Variants in SIPA1L3 observed in about 807,000 individuals in gnomAD.
SIPA1L3 encodes the protein signal-induced proliferation-associated 1-like protein 3.
In SIPA1L3, 59 loss-of-function variants were observed where a neutral mutation model predicts 150.1. The ratio of observed to expected loss-of-function variants is 0.39; its 90% CI spans 0.32 to 0.49. The LOEUF is 0.49. SIPA1L3 is among the 20% of genes least tolerant of loss of function. SIPA1L3 has a pLI of 0.86. For missense variants in SIPA1L3, 2,211 were observed against 2,489.5 expected, an observed-to-expected ratio of 0.89 and a Z score of 2.38; for synonymous variants, 1,070 against 1,077.6, an observed-to-expected ratio of 0.99 and a Z score of 0.14.
intron 4 of SIPA1L3, among the ~76,000 whole-genome samples, chr19:38,091,666 T>C (rs146415765): frequency 5.6e-4 from 85 of 152,292 alleles, no homozygotes; most frequent in South Asian, 3.7e-3. Flanking sequence ...CGGCTGCCTC[T>C]GGGTTTTGAC....
chr19:38,066,363 G>T (rs1414206409), intron 2 of SIPA1L3, among the ~76,000 whole-genome samples: 2 of 152,066 alleles, frequency 1.3e-5, no homozygotes, highest in Non-Finnish European at 2.9e-5. Flanking sequence ...TGGAATAGAG[G>T]CACCCGGATT....
Position 38,112,277 on chromosome 19 carries a change from C to G in SIPA1L3, c.2291+1893C>G, listed in dbSNP as rs575558046. ...GCACACACAAGCACATGCACATATG[C>G]ACACACATATGCACACATACATGCA... is the stretch of plus-strand genomic sequence containing the variant. On this transcript the variant is annotated intron_variant, in intron 8 of 21. Coordinates refer to ENST00000222345, the MANE Select transcript of SIPA1L3 (RefSeq NM_015073.3). Among the ~76,000 whole-genome samples the G allele has an allele frequency of 2.0e-5, 3 of 152,098 alleles. No homozygotes were observed. The South Asian group carries it at 6.2e-4, about 32-fold the overall frequency.
chr19:38,068,942 T>C (rs1435447466), intron 2 of SIPA1L3, among the ~76,000 whole-genome samples: 3 of 152,222 alleles, frequency 2.0e-5, no homozygotes, highest in Admixed American at 2.0e-4. Context: ...CACGCCAGTG[T>C]GTAGCCCTGA....
In SIPA1L3 at chr19:38,152,975, C is replaced by T; in HGVS notation, c.3661+8C>T. ...TGGAACGCCAGAAGCCAGGTAGGGC[C>T]CCCACCAGCTGCTGCGCCCACCCGC... is the stretch of plus-strand genomic sequence containing the variant. On this transcript the variant is annotated splice_region_variant and intron_variant, in intron 13 of 21. Transcript: ENST00000222345. The T allele has an allele frequency of 3.1e-6, 5 of 1,610,832 alleles. No individual in the cohort carries two copies. Among genetic ancestry groups the T allele is most frequent in the Non-Finnish European group, 4.2e-6 (5 of 1,178,864 alleles).
chr19:38,009,136 G>C (rs955192288), intron 1 of SIPA1L3, among the ~76,000 whole-genome samples: 1 of 152,054 alleles, frequency 6.6e-6, no homozygotes, highest in African/African-American at 2.4e-5. Context: ...CCGGGTTCAA[G>C]TGATTCTCCT....
chr19:38,024,534 C>T (rs756848787), intron 1 of SIPA1L3, among the ~76,000 whole-genome samples: 6 of 151,968 alleles, frequency 3.9e-5, no homozygotes, highest in Admixed American at 6.6e-5. Context: ...TCGGGGAGCC[C>T]GGCACTGCCC....
At chr19:38,025,509 G>GCATCCGCAGCTCCCTCTAGT (rs1968489336) in intron 1 of SIPA1L3, among the ~76,000 whole-genome samples, 1 of 152,206 alleles carries the variant, frequency 6.6e-6, no homozygotes, top group Non-Finnish European at 1.5e-5. Flanking sequence ...AGGGCGACGG[G>GCATCCGCAGCTCCCTCTAGT]CATCCGCAGC....
chr19:38,142,503 G>A (rs1029022837), intron 11 of SIPA1L3, 70 bp from the exon 12 acceptor site: 9 of 1,498,948 alleles, frequency 6.0e-6, no homozygotes, highest in East Asian at 4.7e-5. Flanking sequence ...CTGTCTGTCC[G>A]TCCATCCTCC....
chr19:38,112,976 G>T (rs984670016), intron 8 of SIPA1L3, among the ~76,000 whole-genome samples: 3 of 152,148 alleles, frequency 2.0e-5, no homozygotes, highest in Non-Finnish European at 4.4e-5. Flanking sequence ...GGGAGGCTGA[G>T]GTAGGCAGAT....
intron 1 of SIPA1L3, among the ~76,000 whole-genome samples, chr19:37,950,922 G>T (rs950136777): frequency 6.6e-6 from 1 of 152,246 alleles, no homozygotes; most frequent in Admixed American, 6.5e-5. Context: ...GGTAACAGTT[G>T]GGATTCTCTG....
chr19:38,120,051 C>T (rs1970981960), intron 9 of SIPA1L3, among the ~76,000 whole-genome samples, 169 bp downstream of exon 9: 1 of 152,188 alleles, frequency 6.6e-6, no homozygotes, highest in African/African-American at 2.4e-5. Flanking sequence ...TAGCTAGGTT[C>T]TTCCTCTGGA....
intron 15 of SIPA1L3, among the ~76,000 whole-genome samples, chr19:38,176,542 A>G (rs1403080873): frequency 1.3e-5 from 2 of 152,066 alleles, no homozygotes; most frequent in African/African-American, 4.8e-5. Context: ...GACTACAGGC[A>G]TATGCCACTA....
intron 2 of SIPA1L3, among the ~76,000 whole-genome samples, chr19:38,037,048 G>A (rs951376180): frequency 1.3e-5 from 2 of 152,210 alleles, no homozygotes; most frequent in Non-Finnish European, 2.9e-5. Flanking sequence ...GTGGACTGGT[G>A]GGGTATTTAT....
chr19:38,024,885 G>A lies in SIPA1L3; in HGVS notation c.-378-4204G>A, dbSNP rs567894697. 8.6e-4 allele frequency among the ~76,000 whole-genome samples: 131 copies of A among 152,264 alleles called. 1 individual carries two copies. Among genetic ancestry groups the A allele is most frequent in the Non-Finnish European group, 1.5e-3 (100 of 68,024 alleles). On this transcript the variant is annotated intron_variant, in intron 1 of 21. Coordinates refer to ENST00000222345, the MANE Select transcript of SIPA1L3 (RefSeq NM_015073.3). ...ACTCAAATTGACTTAAACTGCAAAG[G>A]GAAGTTAATGGTTCAGGGACCTGAA...
intron 1 of SIPA1L3, among the ~76,000 whole-genome samples, chr19:37,999,005 ACACACACC>A (rs1555775384): frequency 6.6e-6 from 1 of 150,396 alleles, no homozygotes; most frequent in Non-Finnish European, 1.5e-5. Flanking sequence ...ACACACACAC[ACACACACC>A]CACACACACA....
Position 38,142,646 on chromosome 19 carries a change from C to A in SIPA1L3, c.3469C>A (p.Pro1157Thr). The change falls in exon 12 of 22, where the codon CCT becomes ACT. Residue 1157 changes from proline (P) to threonine (T), a missense_variant. This residue lies in a region of SIPA1L3 where 806 missense variants were observed against 870.1 expected (regional missense o/e 0.93). Transcript: ENST00000222345. ...GADRVPPYRQ[P>T]SGSFSTPGSA... Reference sequence around the variant, plus strand: ...CGACAGAGTCCCTCCCTACCGACAGCCTTCTGGGAGCTTCTCCACCCCCGG... The same window carrying A: ...CGACAGAGTCCCTCCCTACCGACAGACTTCTGGGAGCTTCTCCACCCCCGG... 6.2e-7 allele frequency: 1 copy of A among 1,614,082 alleles called. No individual in the cohort carries two copies. The highest frequency in any genetic ancestry group is 8.5e-7 in the Non-Finnish European group (1 of 1,179,968).
At chr19:37,985,018 T>C (rs1967309977) in intron 1 of SIPA1L3, among the ~76,000 whole-genome samples, 1 of 152,016 alleles carries the variant, frequency 6.6e-6, no homozygotes, top group African/African-American at 2.4e-5. Context: ...GAGTACAAGG[T>C]CTGGTGGAGG....
intron 2 of SIPA1L3, among the ~76,000 whole-genome samples, chr19:38,049,465 G>A (rs1341671602): frequency 6.6e-6 from 1 of 152,182 alleles, no homozygotes; most frequent in East Asian, 1.9e-4. Context: ...TGTACATGCT[G>A]TACATCTGCC....
At chr19:38,191,190 TGA>T (rs1319316486) in intron 16 of SIPA1L3, among the ~76,000 whole-genome samples, 1 of 151,838 alleles carries the variant, frequency 6.6e-6, no homozygotes, top group Non-Finnish European at 1.5e-5. Context: ...AAGGATCGCT[TGA>T]GCCCAGGAGT....
Sources: gnomAD v4.1 joint callset for allele counts (sites outside exome capture counted in the v4.1 genomes callset) on GRCh38, gnomAD v4.1.1 for gene constraint, gnomAD v4.1.1 regional missense constraint, MANE v1.5 for transcripts, NCBI Gene and HGNC (gene_info 2026-07-23, HGNC 2026-07-21) for gene names.